The following SOAT1 variants were observed in gnomAD, a reference collection of about 807,000 sequenced individuals.
The protein encoded by SOAT1 is sterol O-acyltransferase 1, also known as acyl-coenzyme A:cholesterol acyltransferase 1.
SOAT1 carries 55 observed loss-of-function variants against 69.5 expected under a neutral mutation model. The ratio of observed to expected loss-of-function variants is 0.79; its 90% confidence interval spans 0.64 to 0.99. The LOEUF (loss-of-function observed/expected upper bound fraction) is 0.99, where lower values mean the gene tolerates loss of function less well. Among genes scored for constraint, SOAT1 ranks in the 50% least tolerant of loss-of-function variants. The probability of loss-of-function intolerance (pLI) is 0.00; values close to 1 mark genes in which losing one functional copy is unlikely to be tolerated. For missense variants in SOAT1, 580 were observed against 669.3 expected, an observed-to-expected ratio of 0.87 and a Z score of 1.47; for synonymous variants, 231 against 224.7, an observed-to-expected ratio of 1.03 and a Z score of -0.25.
At chr1:179,305,216 T>G (rs1163629606) in intron 2 of SOAT1, among the ~76,000 whole-genome samples, 2 of 152,154 alleles carry the variant, frequency 1.3e-5, no homozygotes, top group African/African-American at 2.4e-5. Flanking sequence ...TGTGTGTGGC[T>G]GCTTGCACTT....
chr1:179,351,066 A>ACT, intron 14 of SOAT1, among the ~76,000 whole-genome samples: 1 of 112,644 alleles, frequency 8.9e-6, no homozygotes, highest in East Asian at 2.3e-4. Context: ...TTTTTGAGAC[A>ACT]GAGTTTCACT....
intron 3 of SOAT1, among the ~76,000 whole-genome samples, chr1:179,334,244 G>C (rs553746571): frequency 1.3e-5 from 2 of 152,088 alleles, no homozygotes; most frequent in Non-Finnish European, 2.9e-5. Flanking sequence ...TGGGGGTTTC[G>C]CATATGTAAA....
chr1:179,330,257 G>A (rs964337736), intron 3 of SOAT1, among the ~76,000 whole-genome samples: 14 of 152,140 alleles, frequency 9.2e-5, no homozygotes, highest in East Asian at 3.8e-4. Flanking sequence ...GTTCTCATGC[G>A]CAGAGTCAGC....
chr1:179,356,686 ATAGC>A lies in SOAT1; in HGVS notation c.*3047_*3050del, dbSNP rs1266912272. 1 of 151,232 alleles carries A rather than the reference ATAGC, an allele frequency of 6.6e-6. No individual in the cohort carries two copies. The highest frequency in any genetic ancestry group is 1.5e-5 in the Non-Finnish European group (1 of 67,856). 9.4% of individuals were successfully genotyped at this position (151,232 alleles called of 1,614,324 possible). On this transcript the variant is annotated 3_prime_UTR_variant, in exon 16 of 16. Coordinates refer to ENST00000367619, the MANE Select transcript of SOAT1 (RefSeq NM_003101.6). Reference sequence around the variant, plus strand: ...TCCAGAATCAGTTTTTTAATGGAAGATAGCTCATACTTTGTTTTTGTTTTTAAAG... The same window carrying A: ...TCCAGAATCAGTTTTTTAATGGAAGATCATACTTTGTTTTTGTTTTTAAAG...
At chr1:179,351,483 G>A (rs769120745) in intron 15 of SOAT1, 21 bp downstream of exon 15, 5 of 1,609,828 alleles carry the variant, frequency 3.1e-6, no homozygotes, top group Non-Finnish European at 4.2e-6. Context: ...AACCTGGTTG[G>A]AGTGCAAAAG....
intron 2 of SOAT1, among the ~76,000 whole-genome samples, chr1:179,318,502 T>G (rs1329969668): frequency 6.6e-6 from 1 of 152,194 alleles, no homozygotes; most frequent in Non-Finnish European, 1.5e-5. Context: ...TTACTGTAAC[T>G]TAATATACAG....
intron 2 of SOAT1, 139 bp from the exon 3 acceptor site, chr1:179,323,298 C>T: frequency 5.6e-5 from 33 of 591,018 alleles, no homozygotes; most frequent in South Asian, 7.7e-5. Flanking sequence ...TTATTTTGAC[C>T]ATGCTGTCGT....
chr1:179,342,278 T>C (rs1314573545), intron 8 of SOAT1, 86 bp downstream of exon 8: 8 of 708,850 alleles, frequency 1.1e-5, no homozygotes, highest in South Asian at 2.1e-5. Context: ...TTCCCTTCTT[T>C]CCTTCTTTCC....
intron 3 of SOAT1, among the ~76,000 whole-genome samples, chr1:179,328,678 T>C (rs932194725): frequency 2.6e-5 from 4 of 152,048 alleles, no homozygotes; most frequent in Admixed American, 6.5e-5. Context: ...CACAACTTTA[T>C]AGAGGGAATG....
At chr1:179,325,497 T>C (rs202085461) in intron 3 of SOAT1, among the ~76,000 whole-genome samples, 246 of 152,030 alleles carry the variant, frequency 1.6e-3, no homozygotes, top group Admixed American at 2.9e-3. Context: ...TTTCTGACCC[T>C]TTTTATTTCT....
Position 179,307,648 on chromosome 1 carries a change from A to G in SOAT1, c.118+4846A>G, listed in dbSNP as rs1022676036. Among the ~76,000 whole-genome samples the G allele has an allele frequency of 4.6e-4, 70 of 152,138 alleles. 3 individuals carry two copies. Among genetic ancestry groups the G allele is most frequent in the Non-Finnish European group, 1.3e-4 (9 of 68,026 alleles). On this transcript the variant is annotated intron_variant, in intron 2 of 15. Transcript: ENST00000367619. ...TTGAAGTCTTACTGTATGTATTGTC[A>G]TTGACTGATGACCTACCTGTGTGAA... is the stretch of plus-strand genomic sequence containing the variant.
rs1049365424 is a variant in SOAT1 at position 179,323,313 on chromosome 1, T to G, written c.119-124T>G. 2.6e-5 allele frequency: 18 copies of G among 698,208 alleles called. No homozygotes were observed. The African/African-American group carries it at 3.2e-4, about 13-fold the overall frequency. 43.3% of individuals were successfully genotyped at this position (698,208 alleles called of 1,614,324 possible). On this transcript the variant is annotated intron_variant, in intron 2 of 15. Coordinates refer to ENST00000367619, the MANE Select transcript of SOAT1 (RefSeq NM_003101.6). ...TTATTTTGACCATGCTGTCGTGTTT[T>G]ATGGTTGCACCACAGTTTACGCAGT...
chr1:179,304,508 C>G (rs1250484576), intron 2 of SOAT1, among the ~76,000 whole-genome samples: 1 of 150,238 alleles, frequency 6.7e-6, no homozygotes, highest in East Asian at 2.0e-4. Context: ...GAACTTTTGA[C>G]CTCAGGTAAT....
chr1:179,305,857 G>T (rs557617112), intron 2 of SOAT1, among the ~76,000 whole-genome samples: 1 of 149,762 alleles, frequency 6.7e-6, no homozygotes, highest in Admixed American at 6.7e-5. Flanking sequence ...GGAGCTTGAA[G>T]TTGGTGTGCA....
rs183346997 is a variant in SOAT1 at position 179,348,513 on chromosome 1, G to A, written c.1216-331G>A. 5.2e-3 allele frequency among the ~76,000 whole-genome samples: 796 copies of A among 152,206 alleles called. 8 individuals are homozygous for A. The highest frequency in any genetic ancestry group is 0.018 in the African/African-American group (755 of 41,532). ...CTCATGACATTCTAGTAGGGTAAGG[G>A]GGGTGGGGCTTACTGATTGCTGTTT... On this transcript the variant is annotated intron_variant, in intron 12 of 15. Transcript: ENST00000367619.
At chr1:179,310,179 C>T (rs1230582593) in intron 2 of SOAT1, among the ~76,000 whole-genome samples, 3 of 150,918 alleles carry the variant, frequency 2.0e-5, no homozygotes, top group African/African-American at 2.4e-5. Flanking sequence ...GGATTACAGG[C>T]ATGAGCCACC....
intron 2 of SOAT1, among the ~76,000 whole-genome samples, chr1:179,308,670 CAAAA>C (rs552539528): frequency 2.0e-5 from 2 of 99,264 alleles, no homozygotes; most frequent in African/African-American, 4.6e-5. Context: ...AGACTCCGTC[CAAAA>C]AAAAAAAAAA....
At chr1:179,305,501 G>T (rs200522726) in intron 2 of SOAT1, among the ~76,000 whole-genome samples, 1 of 149,458 alleles carries the variant, frequency 6.7e-6, no homozygotes, top group Non-Finnish European at 1.5e-5. Context: ...TTTTGGGGGG[G>T]TTATTTACAA....
At chr1:179,334,731 C>T (rs547596785) in intron 3 of SOAT1, among the ~76,000 whole-genome samples, 1 of 152,148 alleles carries the variant, frequency 6.6e-6, no homozygotes, top group Non-Finnish European at 1.5e-5. Context: ...ATTTACAATA[C>T]TGGGCCAGGT....
Sources: gnomAD v4.1 joint callset for allele counts (sites outside exome capture counted in the v4.1 genomes callset) on GRCh38, gnomAD v4.1.1 for gene constraint, MANE v1.5 for transcripts, NCBI Gene and HGNC (gene_info 2026-07-23, HGNC 2026-07-21) for gene names.